The following TAF3 variants were observed in gnomAD, a reference collection of about 807,000 sequenced individuals.
TAF3 encodes transcription initiation factor TFIID subunit 3.
A neutral mutation model predicts 80.6 loss-of-function variants in TAF3; 7 were observed. The observed-to-expected ratio is 0.09, with a 90% confidence interval of 0.05 to 0.16. The LOEUF (loss-of-function observed/expected upper bound fraction) is 0.16, where lower values mean the gene tolerates loss of function less well. TAF3 is among the 10% of genes least tolerant of loss of function. TAF3 has a pLI of 1.00. For synonymous variants in TAF3, 444 were observed against 446.1 expected (o/e 1.00, Z 0.06); for missense variants, 921 against 1,140.2 (o/e 0.81, Z 2.77).
At chr10:7,830,922 T>A (rs569562573) in intron 2 of TAF3, among the ~76,000 whole-genome samples, 182 of 152,334 alleles carry the variant, frequency 1.2e-3, no homozygotes, top group Non-Finnish European at 2.3e-3. Context: ...ATAATGCAGC[T>A]CAATGTGTTT....
At chr10:7,852,950 T>A (rs1217118025) in intron 2 of TAF3, among the ~76,000 whole-genome samples, 1 of 152,236 alleles carries the variant, frequency 6.6e-6, no homozygotes, top group African/African-American at 2.4e-5. Flanking sequence ...GTGCATATGT[T>A]TTTTGAAAGT....
intron 2 of TAF3, among the ~76,000 whole-genome samples, chr10:7,831,756 G>C: frequency 6.6e-6 from 1 of 152,090 alleles, no homozygotes; most frequent in Non-Finnish European, 1.5e-5. Context: ...ATTGGCTTTG[G>C]TGACGTCCTC....
In TAF3 at chr10:7,845,959, G is replaced by GTTTTTTTTTT. The variant is rs34163537; in HGVS notation, c.409+21408_409+21417dup. On this transcript the variant is annotated intron_variant, in intron 2 of 6. Transcript: ENST00000344293. The stretch of plus-strand genomic sequence containing the variant: ...AGGATGAAGTGGTTTGTGTGTTTTT[G>GTTTTTTTTTT]TTTTTTTTTTTTTTTTTTGAGGCAA... 5.3e-5 allele frequency among the ~76,000 whole-genome samples: 7 copies of GTTTTTTTTTT among 130,932 alleles called. 1 individual carries two copies. Among genetic ancestry groups the GTTTTTTTTTT allele is most frequent in the Admixed American group, 7.5e-5 (1 of 13,262 alleles). 85.9% of individuals were successfully genotyped at this position (130,932 alleles called of 152,430 possible). A position where few individuals can be genotyped will look rare whatever the true frequency, so the allele number is the denominator to read the frequency against.
At chr10:7,988,935 G>A (rs1192972194) in intron 4 of TAF3, among the ~76,000 whole-genome samples, 6 of 151,890 alleles carry the variant, frequency 4.0e-5, no homozygotes, top group Non-Finnish European at 8.8e-5. Context: ...AAATATCACA[G>A]TAAAAATTTT....
At chr10:7,865,248 A>T (rs1259029289) in intron 2 of TAF3, among the ~76,000 whole-genome samples, 3 of 152,030 alleles carry the variant, frequency 2.0e-5, no homozygotes, top group African/African-American at 4.8e-5. Context: ...CGGGCGGATC[A>T]TGAGGTCAGG....
Position 7,994,809 on chromosome 10 carries a change from C to CA in TAF3, c.2316-14252dup, listed in dbSNP as rs34669002. On this transcript the variant is annotated intron_variant, in intron 4 of 6. Coordinates refer to ENST00000344293, the MANE Select transcript of TAF3 (RefSeq NM_031923.4). ...GAAACCCTGTCTCTACTAAAAATAC[C>CA]AAAAAAAAAAAAAAAAATAGCTGGG... 6.7e-3 allele frequency among the ~76,000 whole-genome samples: 830 copies of CA among 124,336 alleles called. 7 individuals carry two copies. Among genetic ancestry groups the CA allele is most frequent in the East Asian group, 0.015 (65 of 4,298 alleles). The allele number at this position is 124,336 out of a possible 152,430, so 81.6% of individuals were successfully genotyped here.
At chr10:7,908,786 T>C (rs958644767) in intron 2 of TAF3, among the ~76,000 whole-genome samples, 11 of 152,228 alleles carry the variant, frequency 7.2e-5, no homozygotes, top group African/African-American at 2.7e-4. Flanking sequence ...TTGGATCTTC[T>C]GTGTTTGAAG....
chr10:7,858,909 T>C (rs1837113329), intron 2 of TAF3, among the ~76,000 whole-genome samples: 1 of 152,174 alleles, frequency 6.6e-6, no homozygotes, highest in Admixed American at 6.5e-5. Context: ...CCTCCATTAC[T>C]GCTGGCCTCT....
At chr10:7,876,720 CT>C (rs1837315852) in intron 2 of TAF3, among the ~76,000 whole-genome samples, 1 of 152,158 alleles carries the variant, frequency 6.6e-6, no homozygotes, top group African/African-American at 2.4e-5. Context: ...ACTTAATTAT[CT>C]TTATCTTTGG....
chr10:7,863,400 C>T (rs931459698), intron 2 of TAF3, among the ~76,000 whole-genome samples: 7 of 151,426 alleles, frequency 4.6e-5, no homozygotes, highest in African/African-American at 1.7e-4. Context: ...CACCTGAGTT[C>T]AGGAGTTTGA....
chr10:7,939,469 C>T (rs149752322), intron 2 of TAF3, among the ~76,000 whole-genome samples: 107 of 152,124 alleles, frequency 7.0e-4, no homozygotes, highest in East Asian at 2.5e-3. Context: ...GAGTGTCCAG[C>T]GACTCACGCT....
chr10:7,844,375 G>C lies in TAF3; in HGVS notation c.409+19815G>C, dbSNP rs35690942. ...CACAGCAGCTTTTCTTCTTCTTCTT[G>C]TTCTTTTTTTTTTTTTTTTTGAGAC... On this transcript the variant is annotated intron_variant, in intron 2 of 6. Transcript: ENST00000344293. Among the ~76,000 whole-genome samples the C allele has an allele frequency of 6.3e-3, 844 of 133,182 alleles. 8 individuals are homozygous for C. Among genetic ancestry groups the C allele is most frequent in the South Asian group, 0.029 (115 of 4,022 alleles). 87.4% of individuals were successfully genotyped at this position (133,182 alleles called of 152,430 possible).
In TAF3 at chr10:7,890,632, T is replaced by C. The variant is rs144516426; in HGVS notation, c.409+66072T>C. ...AGAATTTAACCTTGCTTTTCTTGCATAAAACACATTCTAGCATATCATCTA... is the reference window on the plus strand; with the variant it reads ...AGAATTTAACCTTGCTTTTCTTGCACAAAACACATTCTAGCATATCATCTA... On this transcript the variant is annotated intron_variant, in intron 2 of 6. Coordinates refer to ENST00000344293, the MANE Select transcript of TAF3 (RefSeq NM_031923.4). Among the ~76,000 whole-genome samples, 565 of 152,388 alleles carry C rather than the reference T, an allele frequency of 3.7e-3. 4 individuals carry two copies. The highest frequency in any genetic ancestry group is 0.02 in the South Asian group (95 of 4,834).
rs1271144822 is a variant in TAF3 at position 7,964,425 on chromosome 10, A to G, written c.915A>G (p.Val305=). The change falls in exon 3 of 7, where the codon GTA becomes GTG. Residue 305 remains valine (V), a synonymous_variant. Coordinates refer to ENST00000344293, the MANE Select transcript of TAF3 (RefSeq NM_031923.4). The surrounding 1 kb of genome is among the most constrained non-coding windows in gnomAD (Gnocchi z 4.1). Reference sequence around the variant, plus strand: ...GTCCTATTCGATCACCAAAAACTGTATCCAAAGAAAAGAAATCACCTGGAC... The same window carrying G: ...GTCCTATTCGATCACCAAAAACTGTGTCCAAAGAAAAGAAATCACCTGGAC... The part of the protein sequence containing the change: ...VGSPIRSPKT[V]SKEKKSPGRS... The G allele has an allele frequency of 1.2e-6, 2 of 1,613,906 alleles. No individual in the cohort carries two copies. Among genetic ancestry groups the G allele is most frequent in the African/African-American group, 1.3e-5 (1 of 74,934 alleles).
At chr10:7,873,804 T>G (rs1430799240) in intron 2 of TAF3, among the ~76,000 whole-genome samples, 2 of 152,218 alleles carry the variant, frequency 1.3e-5, no homozygotes, top group East Asian at 1.9e-4. Context: ...GAAAAGAACT[T>G]AATGCTGTTT....
chr10:7,946,514 A>G (rs940557152), intron 2 of TAF3, among the ~76,000 whole-genome samples: 2 of 152,246 alleles, frequency 1.3e-5, no homozygotes, highest in African/African-American at 4.8e-5. Flanking sequence ...ATTTGAGCTC[A>G]GAAGTTTGAG....
At chr10:7,826,324 C>T (rs558429293) in intron 2 of TAF3, among the ~76,000 whole-genome samples, 1 of 152,166 alleles carries the variant, frequency 6.6e-6, no homozygotes, top group Non-Finnish European at 1.5e-5. Context: ...TGCAAATATT[C>T]CATAATAAAA....
chr10:8,014,863 TA>T lies in TAF3; in HGVS notation c.*115del. ...ACATCCACCCCCAGATGCCTGTGGA[TA>T]AAGAACCCAGGAGGACTGAGGCTGG... On this transcript the variant is annotated 3_prime_UTR_variant, in exon 7 of 7. Coordinates refer to ENST00000344293, the MANE Select transcript of TAF3 (RefSeq NM_031923.4). 1.1e-6 allele frequency: 1 copy of T among 919,834 alleles called. No homozygotes were observed. Among genetic ancestry groups the T allele is most frequent in the South Asian group, 1.7e-5 (1 of 59,276 alleles). 57.0% of individuals were successfully genotyped at this position (919,834 alleles called of 1,614,324 possible).
At chr10:7,901,813 A>C (rs2131171799) in intron 2 of TAF3, among the ~76,000 whole-genome samples, 1 of 152,316 alleles carries the variant, frequency 6.6e-6, no homozygotes, top group South Asian at 2.1e-4. Flanking sequence ...ACATTTAAAT[A>C]ACTTTGTTTT....
Sources: gnomAD v4.1 joint callset for allele counts (sites outside exome capture counted in the v4.1 genomes callset) on GRCh38, gnomAD v4.1.1 for gene constraint, Gnocchi (gnomAD v3.1) non-coding constraint, MANE v1.5 for transcripts, NCBI Gene and HGNC (gene_info 2026-07-23, HGNC 2026-07-21) for gene names.